Variants in KMT2D observed in about 807,000 individuals in gnomAD.
KMT2D encodes the protein lysine methyltransferase 2D, also known as histone-lysine N-methyltransferase 2D.
Under a neutral mutation model 512.7 loss-of-function variants are expected in KMT2D, and 55 were observed. The ratio of observed to expected loss-of-function variants is 0.11; its 90% confidence interval spans 0.09 to 0.13. The LOEUF is 0.13. Among genes scored for constraint, KMT2D ranks in the 10% least tolerant of loss-of-function variants. The pLI is 1.00. For synonymous variants in KMT2D, 2,995 were observed against 2,904.0 expected (o/e 1.03, Z -1.01); for missense variants, 6,061 against 7,127.9 (o/e 0.85, Z 5.39).
rs1388259522 is a variant in KMT2D, at chr12:49,040,672, T to C, written c.7098A>G (p.Pro2366=). Residue 2366 remains proline (P), a synonymous_variant, in exon 32 of 55, where the codon CCA becomes CCG. Coordinates refer to ENST00000301067, the MANE Select transcript of KMT2D (RefSeq NM_003482.4). ...QALAPSPPSH[P]DIFRPGSYTD... The stretch of plus-strand genomic sequence containing the variant: ...TGTAGGAGCCAGGGCGAAAGATGTC[T>C]GGGTGACTTGGAGGAGAAGGTGCCA... The C allele has an allele frequency of 1.2e-6, 2 of 1,613,482 alleles. No individual in the cohort carries two copies. The highest frequency in any genetic ancestry group is 1.7e-6 in the Non-Finnish European group (2 of 1,179,774).
intron 6 of KMT2D, 70 bp from the exon 7 acceptor site, chr12:49,053,711 A>G: frequency 8.1e-6 from 12 of 1,476,196 alleles, no homozygotes; most frequent in Non-Finnish European, 1.1e-5. Context: ...GCTGTACACA[A>G]AACAGGCACT....
chr12:49,047,106 G>A lies in KMT2D; in HGVS notation c.4237-316C>T, dbSNP rs144733986. ...GGTGATCCACCCGCCTCACCCTCCCGAAGTAAAGTGCTGGGATTACAGGTG... is the reference window on the plus strand; with the variant it reads ...GGTGATCCACCCGCCTCACCCTCCCAAAGTAAAGTGCTGGGATTACAGGTG... On this transcript the variant is annotated intron_variant, in intron 15 of 54. Transcript: ENST00000301067. 4.9e-3 allele frequency among the ~76,000 whole-genome samples: 752 copies of A among 152,086 alleles called. 7 individuals carry two copies. Among genetic ancestry groups the A allele is most frequent in the African/African-American group, 0.017 (699 of 41,482 alleles).
rs1172630623 is a variant in KMT2D, at chr12:49,052,163, G to A, written c.1520C>T (p.Pro507Leu). The A allele has an allele frequency of 1.2e-6, 2 of 1,613,626 alleles. No homozygotes were observed. The highest frequency in any genetic ancestry group is 2.2e-5 in the South Asian group (2 of 91,078). ...CAGTGGAGAAAAAGGTGATGATTCA[G>A]GTGGGGGAGACAGAGGAGACTCCTC... Reference protein sequence around the residue: ...PPEESPLSPPPESSPFSPLEE... With the variant: ...PPEESPLSPPLESSPFSPLEE... Residue 507 changes from proline (P) to leucine (L), a missense_variant, in exon 11 of 55, where the codon CCT (proline) becomes CTT (leucine). Physicochemically the swap from Pro to Leu is moderately conservative, Grantham distance 98. Coordinates refer to ENST00000301067, the MANE Select transcript of KMT2D (RefSeq NM_003482.4).
chr12:49,039,942 G>C lies in KMT2D; in HGVS notation c.7828C>G (p.Leu2610Val). ...GGTGGCAGAACCGACGGAGGGCGTA[G>C]TGGGGACAGCCCATAGCTCTCCCCT... ...STGESYGLSP[L>V]RPPSVLPPPA... The change falls in exon 32 of 55, where the codon CTA (leucine) becomes GTA (valine). Residue 2610 changes from leucine to valine, a missense_variant. Leu to Val is a conservative substitution (Grantham distance 32). Transcript: ENST00000301067. This position sits in a 1 kb window ranked among gnomAD's most constrained non-coding sequence, Gnocchi z 5.0. 6.2e-7 allele frequency: 1 copy of C among 1,613,962 alleles called. No homozygotes were observed. The highest frequency in any genetic ancestry group is 8.5e-7 in the Non-Finnish European group (1 of 1,179,854).
Position 49,039,111 on chromosome 12 carries a change from A to T in KMT2D, c.8366+111T>A, listed in dbSNP as rs995366359. On this transcript the variant is annotated intron_variant, in intron 34 of 54. Transcript: ENST00000301067. This position sits in a 1 kb window ranked among gnomAD's most constrained non-coding sequence, Gnocchi z 5.0. ...AGGGAGAAAAGGAATGAGGAAGAAG[A>T]GAAAGTGATACTGGAAAAGGATTAG... The T allele has an allele frequency of 2.0e-6, 3 of 1,532,806 alleles. No homozygotes were observed. In the African/African-American group the frequency reaches 4.1e-5, roughly 21 times the overall value. The allele number at this position is 1,532,806 out of a possible 1,614,324, so 95.0% of individuals were successfully genotyped here. A position where few individuals can be genotyped will look rare whatever the true frequency, so the allele number is the denominator to read the frequency against.
At chr12:49,048,891 G>A (rs1025731141) in intron 13 of KMT2D, 122 bp from the exon 14 acceptor site, 2 of 748,440 alleles carry the variant, frequency 2.7e-6, no homozygotes, top group Middle Eastern at 7.4e-4. Flanking sequence ...CAAAAGCCAG[G>A]AATAACAGAC....
Position 49,027,105 on chromosome 12 carries a change from G to A in KMT2D, c.14861C>T (p.Ser4954Leu), listed in dbSNP as rs1565761336. The change falls in exon 49 of 55, where the codon TCA (serine) becomes TTA (leucine). Residue 4954 changes from serine to leucine, a missense_variant. Physicochemically the swap from Ser to Leu is moderately radical, Grantham distance 145. Coordinates refer to ENST00000301067, the MANE Select transcript of KMT2D (RefSeq NM_003482.4). Reference protein sequence around the residue: ...PPVPSPLPLASSPESARPKPR... With the variant: ...PPVPSPLPLALSPESARPKPR... ...CTTGGGTCGGGCTGATTCAGGGGAT[G>A]AGGCCAGTGGCAGAGGTGAGGGGAC... 6.2e-7 allele frequency: 1 copy of A among 1,603,102 alleles called. No homozygotes were observed. The highest frequency in any genetic ancestry group is 1.1e-5 in the South Asian group (1 of 89,670).
intron 35 of KMT2D, among the ~76,000 whole-genome samples, chr12:49,036,313 C>CT (rs766450235): frequency 2.5e-3 from 345 of 136,540 alleles, no homozygotes; most frequent in South Asian, 5.4e-3. Context: ...ATCCCAATCG[C>CT]TTTTTTTTTT....
rs775131102 is a variant in KMT2D, at chr12:49,041,001, C to T, written c.6769G>A (p.Val2257Met). The T allele has an allele frequency of 1.8e-5, 28 of 1,596,478 alleles. No homozygotes were observed. The highest frequency in any genetic ancestry group is 2.4e-5 in the Non-Finnish European group (28 of 1,170,522). ...PRCPSLDNLAVPESPGVGGGK... is the reference protein window; with the variant it reads ...PRCPSLDNLAMPESPGVGGGK... Reference sequence around the variant, plus strand: ...CCCCCTACCCCAGGGCTCTCAGGCACAGCCAAGTTATCCAGCGAGGGGCAG... The same window carrying T: ...CCCCCTACCCCAGGGCTCTCAGGCATAGCCAAGTTATCCAGCGAGGGGCAG... The change falls in exon 32 of 55, where the codon GTG (valine) becomes ATG (methionine). Residue 2257 changes from valine to methionine, a missense_variant. Val to Met is a conservative substitution (Grantham distance 21, BLOSUM62 1). Coordinates refer to ENST00000301067, the MANE Select transcript of KMT2D (RefSeq NM_003482.4). The surrounding 1 kb of genome is among the most constrained non-coding windows in gnomAD (Gnocchi z 5.4).
rs2120664663 is a variant in KMT2D, at chr12:49,051,175, C to A, written c.2508G>T (p.Gln836His). The A allele has an allele frequency of 6.6e-7, 1 of 1,513,284 alleles. No individual in the cohort carries two copies. Among genetic ancestry groups the A allele is most frequent in the South Asian group, 1.3e-5 (1 of 75,740 alleles). The allele number at this position is 1,513,284 out of a possible 1,614,324, so 93.7% of individuals were successfully genotyped here. ...GGGGGGACAGGCATGGCTCCTCAGA[C>A]TGGGGGGACAGGTGTGATTCCTCAG... is the stretch of plus-strand genomic sequence containing the variant. ...PQPEESHLSP[Q>H]SEEPCLSPRP... is the part of the protein sequence containing the mutation. Residue 836 changes from glutamine (Q) to histidine (H), a missense_variant, in exon 11 of 55, where the codon CAG becomes CAT. Physicochemically the swap from Gln to His is conservative, Grantham distance 24. This residue lies in a region of KMT2D where 848 missense variants were observed against 838.5 expected (regional missense o/e 1.01). Transcript: ENST00000301067.
In KMT2D at chr12:49,024,019, G is replaced by A. The variant is rs1289816468; in HGVS notation, c.16052+559C>T. The A allele has an allele frequency of 2.2e-6, 1 of 451,720 alleles. No individual in the cohort carries two copies. The highest frequency in any genetic ancestry group is 2.4e-5 in the Admixed American group (1 of 41,282). 28.0% of individuals were successfully genotyped at this position (451,720 alleles called of 1,614,324 possible). A position where few individuals can be genotyped will look rare whatever the true frequency, so the allele number is the denominator to read the frequency against. On this transcript the variant is annotated intron_variant, in intron 51 of 54. Coordinates refer to ENST00000301067, the MANE Select transcript of KMT2D (RefSeq NM_003482.4). This position sits in a 1 kb window ranked among gnomAD's most constrained non-coding sequence, Gnocchi z 4.5. Reference sequence around the variant, plus strand: ...TTTCTGGGTCTCAGTTTTCTCAGCTGTAAAATGGGGGTCATACCACCTGCC... The same window carrying A: ...TTTCTGGGTCTCAGTTTTCTCAGCTATAAAATGGGGGTCATACCACCTGCC...
In KMT2D at chr12:49,030,419, C is replaced by A. The variant is rs780507505; in HGVS notation, c.13860G>T (p.Pro4620=). The change falls in exon 43 of 55, where the codon CCG becomes CCT. Residue 4620 remains proline, a synonymous_variant. Transcript: ENST00000301067. ...LLTKNNLSNP[P]TPPSSLPPTP... ...TGGGGGGCAGCGACGAGGGTGGTGT[C>A]GGCGGGTTACTCAGGTTATTCTGAG... The A allele has an allele frequency of 9.4e-6, 14 of 1,484,424 alleles. No homozygotes were observed. Among genetic ancestry groups the A allele is most frequent in the African/African-American group, 3.4e-5 (2 of 59,220 alleles). 92.0% of individuals were successfully genotyped at this position (1,484,424 alleles called of 1,614,324 possible).
intron 44 of KMT2D, 51 bp from the exon 45 acceptor site, chr12:49,029,287 C>T (rs2120396063): frequency 6.3e-7 from 1 of 1,598,750 alleles, no homozygotes. Context: ...GACTCCCCTC[C>T]CAAATCTAGA....
In KMT2D at chr12:49,030,659, G is replaced by A; in HGVS notation, c.13781C>T (p.Ala4594Val). ...PVNGQSQLRGAFGSGALPTGP... is the reference protein window; with the variant it reads ...PVNGQSQLRGVFGSGALPTGP... The stretch of plus-strand genomic sequence containing the variant: ...AGTGGGCAGCGCCCCACTTCCAAAG[G>A]CCCCCCTCAGCTGGCTCTGCCCATT... The change falls in exon 42 of 55, where the codon GCC (alanine) becomes GTC (valine). Residue 4594 changes from alanine (A) to valine (V), a missense_variant. By Grantham distance (64) the Ala-to-Val change is moderately conservative. This residue lies in a region of KMT2D where 1,600 missense variants were observed against 1,754.9 expected (regional missense o/e 0.91). Coordinates refer to ENST00000301067, the MANE Select transcript of KMT2D (RefSeq NM_003482.4). 4 of 1,611,080 alleles carry A rather than the reference G, an allele frequency of 2.5e-6. No homozygotes were observed. The highest frequency in any genetic ancestry group is 3.4e-6 in the Non-Finnish European group (4 of 1,178,730).
rs778198600 is a variant in KMT2D at position 49,026,296 on chromosome 12, G to A, written c.15670C>T (p.Arg5224Cys). The A allele has an allele frequency of 4.2e-5, 67 of 1,611,858 alleles. No homozygotes were observed. The highest frequency in any genetic ancestry group is 5.5e-5 in the Non-Finnish European group (65 of 1,178,134). Residue 5224 changes from arginine to cysteine, a missense_variant, in exon 49 of 55, where the codon CGT becomes TGT. Around this residue, in one of 16 missense-constraint regions of KMT2D, gnomAD observed 261 missense variants for 440.7 expected, o/e 0.59. Coordinates refer to ENST00000301067, the MANE Select transcript of KMT2D (RefSeq NM_003482.4). The surrounding 1 kb of genome is among the most constrained non-coding windows in gnomAD (Gnocchi z 9.6). ...RIYWSLRTNN[R>C]RCCYRCSIGE... ...ATAGAACAGCGATAGCAGCAGCGACGATTGTTGGTGCGGAGGCTCCAATAG... is the reference window on the plus strand; with the variant it reads ...ATAGAACAGCGATAGCAGCAGCGACAATTGTTGGTGCGGAGGCTCCAATAG...
In KMT2D at chr12:49,050,951, A is replaced by T. The variant is rs867537050; in HGVS notation, c.2732T>A (p.Leu911Gln). 6.5e-7 allele frequency: 1 copy of T among 1,545,222 alleles called. No homozygotes were observed. Among genetic ancestry groups the T allele is most frequent in the Admixed American group, 2.0e-5 (1 of 49,260 alleles). Reference sequence around the variant, plus strand: ...TGGGGACAACGGCAGCTCCTCGGGCAGAGGGGACAGAGGTGGTTCCCCAGG... The same window carrying T: ...TGGGGACAACGGCAGCTCCTCGGGCTGAGGGGACAGAGGTGGTTCCCCAGG... ...SEPGEPPLSP[L>Q]PEELPLSPSG... The change falls in exon 11 of 55, where the codon CTG (leucine) becomes CAG (glutamine). Residue 911 changes from leucine (L) to glutamine (Q), a missense_variant. Coordinates refer to ENST00000301067, the MANE Select transcript of KMT2D (RefSeq NM_003482.4).
rs769171629 is a variant in KMT2D, at chr12:49,027,218, C to A, written c.14748G>T (p.Pro4916=). 7.2e-5 allele frequency: 52 copies of A among 719,672 alleles called. No individual in the cohort carries two copies. The highest frequency in any genetic ancestry group is 9.6e-5 in the Non-Finnish European group (50 of 519,078). 44.6% of individuals were successfully genotyped at this position (719,672 alleles called of 1,614,324 possible). A position where few individuals can be genotyped will look rare whatever the true frequency, so the allele number is the denominator to read the frequency against. The stretch of plus-strand genomic sequence containing the variant: ...GAGAAGGTGCCAAGGGGGAAGGGGG[C>A]GGGGAGGGTTCTTCAGGAGGTGGGG... The part of the protein sequence containing the change: ...LSAPPPEEPS[P]PPSPLAPSPA... Residue 4916 remains proline, a synonymous_variant, in exon 49 of 55, where the codon CCG becomes CCT. Transcript: ENST00000301067.
intron 51 of KMT2D, 143 bp from the exon 52 acceptor site, chr12:49,023,018 G>C (rs1298821086): frequency 8.9e-6 from 8 of 902,052 alleles, no homozygotes; most frequent in Non-Finnish European, 1.3e-5. Context: ...GCAGCCTTGG[G>C]AAAGGAGTAG....
chr12:49,042,592 C>T lies in KMT2D; in HGVS notation c.5836G>A (p.Gly1946Ser). 6.2e-7 allele frequency: 1 copy of T among 1,613,868 alleles called. No homozygotes were observed. The highest frequency in any genetic ancestry group is 8.5e-7 in the Non-Finnish European group (1 of 1,179,810). The change falls in exon 28 of 55, where the codon GGC becomes AGC. Residue 1946 changes from glycine (G) to serine (S), a missense_variant. By Grantham distance (56) the Gly-to-Ser change is moderately conservative. Coordinates refer to ENST00000301067, the MANE Select transcript of KMT2D (RefSeq NM_003482.4). The surrounding 1 kb of genome is among the most constrained non-coding windows in gnomAD (Gnocchi z 4.4). ...TCCAGGAACGGGGACTGGCAGAGGC[C>T]TGGGTAGGAGTCCATTGGGCTGCTG... Reference protein sequence around the residue: ...PSSSPMDSYPGLCQSPFLDSR... With the variant: ...PSSSPMDSYPSLCQSPFLDSR...
Sources: gnomAD v4.1 joint callset for allele counts (sites outside exome capture counted in the v4.1 genomes callset) on GRCh38, gnomAD v4.1.1 for gene constraint, gnomAD v4.1.1 regional missense constraint, Gnocchi (gnomAD v3.1) non-coding constraint, MANE v1.5 for transcripts, NCBI Gene and HGNC (gene_info 2026-07-23, HGNC 2026-07-21) for gene names.